ABRAXAS2: variants seen among roughly 807,000 people sequenced by gnomAD.
ABRAXAS2 encodes abraxas 2, BRISC complex subunit, also known as BRISC complex subunit Abraxas 2.
Under a neutral mutation model 49.0 loss-of-function variants are expected in ABRAXAS2, and 23 were observed. The ratio of observed to expected loss-of-function variants is 0.47; its 90% CI spans 0.34 to 0.66. ABRAXAS2 has a LOEUF of 0.66. Among genes scored for constraint, ABRAXAS2 ranks in the 30% least tolerant of loss-of-function variants. The pLI is 0.01. For synonymous variants in ABRAXAS2, 168 were observed against 180.2 expected, an observed-to-expected ratio of 0.93 and a Z score of 0.54; for missense variants, 443 against 511.9, an observed-to-expected ratio of 0.87 and a Z score of 1.30.
At chr10:124,819,643 A>G (rs961451070) in intron 4 of ABRAXAS2, among the ~76,000 whole-genome samples, 193 bp downstream of exon 4, 2 of 152,130 alleles carry the variant, frequency 1.3e-5, no homozygotes, top group South Asian at 4.1e-4. Context: ...CATTATTATT[A>G]CATGCCTGTA....
At chr10:124,804,957 A>G (rs565288486) in intron 1 of ABRAXAS2, among the ~76,000 whole-genome samples, 1 of 151,686 alleles carries the variant, frequency 6.6e-6, no homozygotes, top group Non-Finnish European at 1.5e-5. Context: ...CAGGCAGTCC[A>G]CCCACCTTGG....
intron 5 of ABRAXAS2, 114 bp from the exon 6 acceptor site, chr10:124,828,642 G>A (rs1297818644): frequency 1.0e-6 from 1 of 954,486 alleles, no homozygotes; most frequent in Non-Finnish European, 1.5e-6. Context: ...CCAAAGTGCT[G>A]AGATTAGAGG....
chr10:124,829,639 G>A (rs1418834936), intron 7 of ABRAXAS2, among the ~76,000 whole-genome samples, 162 bp downstream of exon 7: 1 of 152,160 alleles, frequency 6.6e-6, no homozygotes, highest in Non-Finnish European at 1.5e-5. Context: ...AATGATTCAT[G>A]CCGTCTCGCA....
intron 4 of ABRAXAS2, among the ~76,000 whole-genome samples, chr10:124,823,559 A>G (rs1356529729): frequency 6.6e-6 from 1 of 152,250 alleles, no homozygotes; most frequent in Non-Finnish European, 1.5e-5. Flanking sequence ...TTGTATCATC[A>G]TAAGGCCAAA....
intron 1 of ABRAXAS2, among the ~76,000 whole-genome samples, chr10:124,805,771 G>C (rs1005862172): frequency 3.9e-5 from 6 of 152,210 alleles, no homozygotes; most frequent in African/African-American, 1.4e-4. Context: ...TTTGAGTAAA[G>C]ACCTGAATGA....
intron 2 of ABRAXAS2, among the ~76,000 whole-genome samples, chr10:124,812,169 G>A (rs144524989): frequency 7.9e-5 from 12 of 152,304 alleles, no homozygotes; most frequent in African/African-American, 2.9e-4. Flanking sequence ...TCATGGTTTT[G>A]TAGATATGGA....
intron 8 of ABRAXAS2, among the ~76,000 whole-genome samples, chr10:124,833,508 T>C (rs1265858875): frequency 6.6e-6 from 1 of 152,132 alleles, no homozygotes; most frequent in African/African-American, 2.4e-5. Context: ...AACCAGGTAA[T>C]GTCAGCCGTG....
rs1010923434 is a variant in ABRAXAS2 at position 124,822,357 on chromosome 10, C to T, written c.267+2907C>T. On this transcript the variant is annotated intron_variant, in intron 4 of 8. Coordinates refer to ENST00000298492, the MANE Select transcript of ABRAXAS2 (RefSeq NM_032182.4). The stretch of plus-strand genomic sequence containing the variant: ...AGTGGGTGTTCAAATACACAGGAAA[C>T]GATCTGAAAGGATGCTAGTCAGACT... 2.6e-5 allele frequency among the ~76,000 whole-genome samples: 4 copies of T among 152,086 alleles called. No individual in the cohort carries two copies. In the East Asian group the frequency reaches 5.8e-4, roughly 22 times the overall value.
intron 2 of ABRAXAS2, 116 bp downstream of exon 2, chr10:124,807,037 G>A: frequency 1.3e-6 from 1 of 793,854 alleles, no homozygotes; most frequent in Non-Finnish European, 2.0e-6. Flanking sequence ...AGTATGCCAG[G>A]CGCGGTGGCT....
At chr10:124,804,522 G>C (rs897640806) in intron 1 of ABRAXAS2, among the ~76,000 whole-genome samples, 1 of 151,962 alleles carries the variant, frequency 6.6e-6, no homozygotes, top group African/African-American at 2.4e-5. Context: ...TTGAAAGTGG[G>C]TATTTGTTTT....
Position 124,835,043 on chromosome 10 carries a change from A to G in ABRAXAS2, c.*72A>G. 8.4e-7 allele frequency: 1 copy of G among 1,188,202 alleles called. No individual in the cohort carries two copies. Among genetic ancestry groups the G allele is most frequent in the Non-Finnish European group, 1.2e-6 (1 of 847,054 alleles). The allele number at this position is 1,188,202 out of a possible 1,614,324, so 73.6% of individuals were successfully genotyped here. On this transcript the variant is annotated 3_prime_UTR_variant, in exon 9 of 9. Transcript: ENST00000298492. ...TACTGAGAGGGTTTTTGAGAACTTAATCTGGGGGGAGAACTGCTTTCTCAG... is the reference window on the plus strand; with the variant it reads ...TACTGAGAGGGTTTTTGAGAACTTAGTCTGGGGGGAGAACTGCTTTCTCAG...
At chr10:124,807,551 G>C (rs1056296091) in intron 2 of ABRAXAS2, among the ~76,000 whole-genome samples, 2 of 151,910 alleles carry the variant, frequency 1.3e-5, no homozygotes, top group African/African-American at 4.8e-5. Context: ...TACTCAGGAT[G>C]CTGAGGCAGG....
chr10:124,836,494 A>G lies in ABRAXAS2; in HGVS notation c.*1523A>G, dbSNP rs566764203. The G allele has an allele frequency of 6.6e-6, 1 of 152,546 alleles. No homozygotes were observed. Among genetic ancestry groups the G allele is most frequent in the African/African-American group, 2.4e-5 (1 of 41,564 alleles). 9.4% of individuals were successfully genotyped at this position (152,546 alleles called of 1,614,324 possible). On this transcript the variant is annotated 3_prime_UTR_variant, in exon 9 of 9. Transcript: ENST00000298492. ...GTGTTCCAGTTGTTATCAGCTACCTACTACGCAGCTTCAGCGCCAGTGTGA... is the reference window on the plus strand; with the variant it reads ...GTGTTCCAGTTGTTATCAGCTACCTGCTACGCAGCTTCAGCGCCAGTGTGA...
Position 124,816,562 on chromosome 10 carries a change from CT to C in ABRAXAS2, c.164-11del. 6.3e-7 allele frequency: 1 copy of C among 1,589,316 alleles called. No individual in the cohort carries two copies. Among genetic ancestry groups the C allele is most frequent in the Non-Finnish European group, 8.6e-7 (1 of 1,159,320 alleles). On this transcript the variant is annotated splice_polypyrimidine_tract_variant and intron_variant, in intron 2 of 8. Transcript: ENST00000298492. ...CATGATTAACTAAGATGTATTTCCT[CT>C]TTCTAATTACAGAAATCCATAACCA... is the stretch of plus-strand genomic sequence containing the variant.
chr10:124,826,601 A>G lies in ABRAXAS2; in HGVS notation c.274A>G (p.Ile92Val), dbSNP rs750132510. 7 of 1,606,770 alleles carry G rather than the reference A, an allele frequency of 4.4e-6. No individual in the cohort carries two copies. The South Asian group carries it at 4.5e-5, about 10-fold the overall frequency. Reference sequence around the variant, plus strand: ...TTTCACACTTTTCTTTCAGAAAGTCATTGGGTGGTACAGATTCCGGCGCAA... The same window carrying G: ...TTTCACACTTTTCTTTCAGAAAGTCGTTGGGTGGTACAGATTCCGGCGCAA... The part of the protein sequence containing the change: ...RILKDRRKKV[I>V]GWYRFRRNTQ... The change falls in exon 5 of 9, where the codon ATT (isoleucine) becomes GTT (valine). Residue 92 changes from isoleucine (I) to valine (V), a missense_variant. This residue lies in a region of ABRAXAS2 where 166 missense variants were observed against 247.3 expected (regional missense o/e 0.67). Coordinates refer to ENST00000298492, the MANE Select transcript of ABRAXAS2 (RefSeq NM_032182.4).
chr10:124,824,676 C>G (rs990107263), intron 4 of ABRAXAS2, among the ~76,000 whole-genome samples: 3 of 152,094 alleles, frequency 2.0e-5, no homozygotes, highest in African/African-American at 7.2e-5. Context: ...TTCATGAAAA[C>G]AGCCAGTGTG....
At chr10:124,824,725 G>A (rs533597840) in intron 4 of ABRAXAS2, among the ~76,000 whole-genome samples, 1 of 152,310 alleles carries the variant, frequency 6.6e-6, no homozygotes, top group East Asian at 1.9e-4. Flanking sequence ...GGCAGGGGAA[G>A]TGCAGGGCAT....
intron 4 of ABRAXAS2, among the ~76,000 whole-genome samples, 156 bp downstream of exon 4, chr10:124,819,606 A>C (rs964531700): frequency 3.3e-5 from 5 of 152,068 alleles, no homozygotes; most frequent in African/African-American, 1.2e-4. Context: ...TTAATAGAAA[A>C]AAATTTAGAT....
intron 4 of ABRAXAS2, among the ~76,000 whole-genome samples, chr10:124,825,967 C>A (rs1211994288): frequency 6.6e-6 from 1 of 152,120 alleles, no homozygotes; most frequent in Non-Finnish European, 1.5e-5. Context: ...TTCCTGATGA[C>A]CAACAAATCA....
Sources: gnomAD v4.1 joint callset for allele counts (sites outside exome capture counted in the v4.1 genomes callset) on GRCh38, gnomAD v4.1.1 for gene constraint, gnomAD v4.1.1 regional missense constraint, MANE v1.5 for transcripts, NCBI Gene and HGNC (gene_info 2026-07-23, HGNC 2026-07-21) for gene names.